MGAT4C: variants seen among roughly 807,000 people sequenced by gnomAD.
The protein encoded by MGAT4C is MGAT4 family member C.
In MGAT4C, 19 loss-of-function variants were observed where a neutral mutation model predicts 40.1. The observed-to-expected ratio is 0.47, with a 90% CI of 0.33 to 0.70. The LOEUF (loss-of-function observed/expected upper bound fraction) is 0.70, where lower values mean the gene tolerates loss of function less well. Ranked by LOEUF, MGAT4C falls within the 30% of genes least tolerant of loss-of-function variation. The pLI is 0.02. For synonymous variants in MGAT4C, 181 were observed against 187.1 expected (o/e 0.97, Z 0.27); for missense variants, 491 against 563.2 (o/e 0.87, Z 1.30).
Position 85,972,452 on chromosome 12 carries a change from T to C in MGAT4C, c.*6837A>G, listed in dbSNP as rs1321660385. On this transcript the variant is annotated 3_prime_UTR_variant, in exon 5 of 5. Transcript: ENST00000611864. ...ATTTCTAAAACAAAAAAAAAGACTT[T>C]AGGAGTTTTAATTATTTTTAATATA... 1 of 150,614 alleles carries C rather than the reference T, an allele frequency of 6.6e-6. No homozygotes were observed. Among genetic ancestry groups the C allele is most frequent in the East Asian group, 1.9e-4 (1 of 5,176 alleles). The allele number at this position is 150,614 out of a possible 1,614,324, so 9.3% of individuals were successfully genotyped here.
chr12:86,114,868 G>GT (rs1878125039), intron 1 of MGAT4C, among the ~76,000 whole-genome samples: 1 of 151,864 alleles, frequency 6.6e-6, no homozygotes, highest in Non-Finnish European at 1.5e-5. Flanking sequence ...AGGAAATAAT[G>GT]TGACGTTTGG....
intron 1 of MGAT4C, among the ~76,000 whole-genome samples, chr12:86,151,536 C>A (rs1176626509): frequency 6.6e-6 from 1 of 152,016 alleles, no homozygotes; most frequent in African/African-American, 2.4e-5. Flanking sequence ...CGGCGTGAAC[C>A]CGGAGGCGGA....
intron 2 of MGAT4C, among the ~76,000 whole-genome samples, chr12:86,614,925 T>C (rs1247650561): frequency 6.6e-6 from 1 of 151,968 alleles, no homozygotes. Context: ...TCTTATGAAG[T>C]AATATTCTAT....
chr12:86,224,652 T>G (rs1951009596), intron 1 of MGAT4C, among the ~76,000 whole-genome samples: 1 of 152,164 alleles, frequency 6.6e-6, no homozygotes. Context: ...GGAAATACTT[T>G]GGAAAGTATA....
rs541537555 is a variant in MGAT4C, at chr12:86,473,888, G to A, written c.-228-38623C>T. ...TGAGGGTTCACAAAATCTGACTATG[G>A]AGAATTTGCATGATAGGGTTCACTG... On this transcript the variant is annotated intron_variant, in intron 2 of 7. Transcript: ENST00000548651. Among the ~76,000 whole-genome samples, 500 of 152,156 alleles carry A rather than the reference G, an allele frequency of 3.3e-3. 2 individuals carry two copies. The highest frequency in any genetic ancestry group is 0.012 in the African/African-American group (483 of 41,508).
At chr12:86,738,328 T>A (rs575166559) in intron 1 of MGAT4C, among the ~76,000 whole-genome samples, 1 of 151,602 alleles carries the variant, frequency 6.6e-6, no homozygotes, top group South Asian at 2.1e-4. Flanking sequence ...TTAAAATTGT[T>A]ATTTTAATTC....
intron 1 of MGAT4C, among the ~76,000 whole-genome samples, chr12:86,833,098 G>A (rs572741096): frequency 2.5e-4 from 38 of 151,892 alleles, no homozygotes; most frequent in African/African-American, 8.9e-4. Flanking sequence ...GCTGACATTT[G>A]TATATTAGAC....
chr12:86,603,619 ATATAGTC>A (rs1961907933), intron 2 of MGAT4C, among the ~76,000 whole-genome samples: 1 of 125,358 alleles, frequency 8.0e-6, no homozygotes, highest in Non-Finnish European at 1.6e-5. Context: ...AATATATATT[ATATAGTC>A]TATAGACTAT....
Position 86,604,584 on chromosome 12 carries a change from A to G in MGAT4C, c.-229+122625T>C, listed in dbSNP as rs143213024. On this transcript the variant is annotated intron_variant, in intron 2 of 7. Coordinates refer to the MGAT4C transcript ENST00000548651. ...CAAATGTACGTATCTAACATGATCC[A>G]CATAAACTACACACTCATTCTTCTT... Among the ~76,000 whole-genome samples, 4 of 152,256 alleles carry G rather than the reference A, an allele frequency of 2.6e-5. No individual in the cohort carries two copies. In the East Asian group the frequency reaches 5.8e-4, roughly 22 times the overall value.
rs534091145 is a variant in MGAT4C, at chr12:86,756,538, G to A, written c.-261-29297C>T. Among the ~76,000 whole-genome samples, 6 of 151,848 alleles carry A rather than the reference G, an allele frequency of 4.0e-5. No individual in the cohort carries two copies. The South Asian group carries it at 1.0e-3, about 26-fold the overall frequency. ...TTCTTAAAATAGTCTTGCATATTTT[G>A]TCTCATTTGATTTTAACGGCCACTC... On this transcript the variant is annotated intron_variant, in intron 1 of 7. Transcript: ENST00000548651.
upstream of MGAT4C, among the ~76,000 whole-genome samples, chr12:86,260,614 C>T (rs1391106146): frequency 6.6e-6 from 1 of 152,036 alleles, no homozygotes; most frequent in Non-Finnish European, 1.5e-5. Flanking sequence ...CTTACTTTCT[C>T]TAGAATAGCT....
At chr12:86,829,164 A>G (rs1593245562) in intron 1 of MGAT4C, among the ~76,000 whole-genome samples, 2 of 151,750 alleles carry the variant, frequency 1.3e-5, no homozygotes, top group Middle Eastern at 6.8e-3. Context: ...AGTATCATAT[A>G]TAATACACAA....
chr12:86,828,681 G>T (rs138414641), intron 1 of MGAT4C, among the ~76,000 whole-genome samples: 2 of 151,582 alleles, frequency 1.3e-5, no homozygotes, highest in Admixed American at 1.3e-4. Flanking sequence ...CAAAGAATGG[G>T]ATGCTATTGG....
chr12:86,117,049 T>C (rs1878549749), intron 1 of MGAT4C, among the ~76,000 whole-genome samples: 1 of 152,126 alleles, frequency 6.6e-6, no homozygotes, highest in Non-Finnish European at 1.5e-5. Context: ...TGATAATATC[T>C]TATTATACTT....
At chr12:86,199,554 C>T (rs536498635) in intron 1 of MGAT4C, among the ~76,000 whole-genome samples, 2 of 151,736 alleles carry the variant, frequency 1.3e-5, no homozygotes, top group East Asian at 3.9e-4. Flanking sequence ...GTATTTCATG[C>T]CCTGGGTCTG....
intron 4 of MGAT4C, among the ~76,000 whole-genome samples, chr12:86,268,084 G>A (rs1952835248): frequency 6.6e-6 from 1 of 152,076 alleles, no homozygotes; most frequent in Non-Finnish European, 1.5e-5. Context: ...AGCTGTGTAT[G>A]TCAACCTTGA....
intron 1 of MGAT4C, among the ~76,000 whole-genome samples, chr12:86,812,607 T>A (rs1952499763): frequency 6.6e-6 from 1 of 152,130 alleles, no homozygotes; most frequent in Non-Finnish European, 1.5e-5. Context: ...CCGTATATAT[T>A]ATATATTAAT....
chr12:86,385,046 A>T (rs1565722319), intron 3 of MGAT4C, among the ~76,000 whole-genome samples: 1 of 152,194 alleles, frequency 6.6e-6, no homozygotes, highest in Non-Finnish European at 1.5e-5. Context: ...TTTGAAAGTT[A>T]ATGTTACCAT....
chr12:86,278,116 G>T (rs77821423), intron 4 of MGAT4C, among the ~76,000 whole-genome samples: 12,861 of 145,166 alleles, frequency 0.089, 772 homozygotes, highest in Middle Eastern at 0.25. Flanking sequence ...CACTTCTTTG[G>T]TTAATTCCTA....
Sources: gnomAD v4.1 joint callset for allele counts (sites outside exome capture counted in the v4.1 genomes callset) on GRCh38, gnomAD v4.1.1 for gene constraint, MANE v1.5 for transcripts, NCBI Gene and HGNC (gene_info 2026-07-23, HGNC 2026-07-21) for gene names.